Variants in KPNA6 observed in about 807,000 individuals in gnomAD.
The protein encoded by KPNA6 is importin subunit alpha-7.
Under a neutral mutation model 72.0 loss-of-function variants are expected in KPNA6, and 9 were observed. The ratio of observed to expected loss-of-function variants is 0.13; its 90% CI spans 0.08 to 0.22. KPNA6 has a LOEUF of 0.22. KPNA6 is among the 10% of genes least tolerant of loss of function. The pLI is 1.00. For missense variants in KPNA6, 374 were observed against 655.7 expected (o/e 0.57, Z 4.69); for synonymous variants, 219 against 242.1 (o/e 0.90, Z 0.89).
At chr1:32,141,838 G>A (rs930906371) in intron 1 of KPNA6, among the ~76,000 whole-genome samples, 10 of 152,158 alleles carry the variant, frequency 6.6e-5, no homozygotes, top group Middle Eastern at 3.4e-3. Flanking sequence ...GGCAGGAGTC[G>A]GTGCCTTATT....
intron 10 of KPNA6, among the ~76,000 whole-genome samples, chr1:32,164,064 T>G (rs1330901710): frequency 1.3e-5 from 2 of 152,188 alleles, no homozygotes; most frequent in Admixed American, 1.3e-4. Flanking sequence ...CTCCCCATTC[T>G]CCCTTCCCCT....
At chr1:32,125,920 A>G (rs1641523421) in intron 1 of KPNA6, among the ~76,000 whole-genome samples, 1 of 151,604 alleles carries the variant, frequency 6.6e-6, no homozygotes, top group South Asian at 2.1e-4. Flanking sequence ...TAAAGACTAT[A>G]AATAATCTCA....
In KPNA6 at chr1:32,171,861, GTCCT is replaced by G. The variant is rs1266109829; in HGVS notation, c.*973_*976del. ...CCTAAGCTTGAGATAGGGGGCTGTG[GTCCT>G]TCCTTTCTCCTGAGGAGAAAGTCCT... On this transcript the variant is annotated 3_prime_UTR_variant, in exon 14 of 14. Transcript: ENST00000373625. 1 of 152,164 alleles carries G rather than the reference GTCCT, an allele frequency of 6.6e-6. No homozygotes were observed. The highest frequency in any genetic ancestry group is 2.4e-5 in the African/African-American group (1 of 41,440). 9.4% of individuals were successfully genotyped at this position (152,164 alleles called of 1,614,324 possible).
chr1:32,108,080 TGAAGCTGCCGCC>T lies in KPNA6; in HGVS notation c.-49_-38del, dbSNP rs761985152. ...CATATTGTCTACTGAAAGCTGCCGC[TGAAGCTGCCGCC>T]GTTGCCTCCGCCGCCAAGAGTGAGC... is the stretch of plus-strand genomic sequence containing the variant. On this transcript the variant is annotated 5_prime_UTR_variant, in exon 1 of 14. Transcript: ENST00000373625. The T allele has an allele frequency of 6.2e-6, 10 of 1,613,622 alleles. No homozygotes were observed. The highest frequency in any genetic ancestry group is 1.3e-5 in the African/African-American group (1 of 74,938).
intron 1 of KPNA6, among the ~76,000 whole-genome samples, chr1:32,144,837 A>G (rs1641902585): frequency 6.6e-6 from 1 of 151,400 alleles, no homozygotes; most frequent in Non-Finnish European, 1.5e-5. Flanking sequence ...TTTAGTAGAG[A>G]TGGGATTTCT....
In KPNA6 at chr1:32,174,207, T is replaced by G. The variant is rs1234662946; in HGVS notation, c.*3313T>G. 6.6e-6 allele frequency: 1 copy of G among 152,244 alleles called. No individual in the cohort carries two copies. Among genetic ancestry groups the G allele is most frequent in the Non-Finnish European group, 1.5e-5 (1 of 68,120 alleles). The allele number at this position is 152,244 out of a possible 1,614,324, so 9.4% of individuals were successfully genotyped here. On this transcript the variant is annotated 3_prime_UTR_variant, in exon 14 of 14. Coordinates refer to ENST00000373625, the MANE Select transcript of KPNA6 (RefSeq NM_012316.5). Reference sequence around the variant, plus strand: ...TGTTGGCCTCAGTTTTCAGGGACCCTTGGTGTTGCTCCTTACCTAGAGCCC... The same window carrying G: ...TGTTGGCCTCAGTTTTCAGGGACCCGTGGTGTTGCTCCTTACCTAGAGCCC...
intron 1 of KPNA6, among the ~76,000 whole-genome samples, chr1:32,145,032 A>G (rs897144974): frequency 1.3e-5 from 2 of 150,300 alleles, no homozygotes; most frequent in African/African-American, 4.9e-5. Flanking sequence ...GGCTCACTGC[A>G]AACTCCGCCT....
intron 1 of KPNA6, among the ~76,000 whole-genome samples, chr1:32,116,301 C>T (rs1293327754): frequency 6.6e-6 from 1 of 150,596 alleles, no homozygotes; most frequent in East Asian, 1.9e-4. Flanking sequence ...CTGAGTAGCG[C>T]CCGGCCGGTT....
Position 32,172,826 on chromosome 1 carries a change from G to T in KPNA6, c.*1932G>T. On this transcript the variant is annotated 3_prime_UTR_variant, in exon 14 of 14. Transcript: ENST00000373625. ...CTGCTTTTCCTTCCTCTGAAACAAT[G>T]CCATTCTTGCTTCTATTGCTACACA... 44 of 288,640 alleles carry T rather than the reference G, an allele frequency of 1.5e-4. No homozygotes were observed. Among genetic ancestry groups the T allele is most frequent in the Non-Finnish European group, 2.0e-4 (31 of 157,018 alleles). The allele number at this position is 288,640 out of a possible 1,614,324, so 17.9% of individuals were successfully genotyped here.
At chr1:32,138,526 A>G (rs1641781304) in intron 1 of KPNA6, among the ~76,000 whole-genome samples, 1 of 148,808 alleles carries the variant, frequency 6.7e-6, no homozygotes, top group East Asian at 2.0e-4. Context: ...CTGGGCAACA[A>G]GAGCGAAACT....
At chr1:32,121,644 T>C (rs1015742905) in intron 1 of KPNA6, among the ~76,000 whole-genome samples, 1 of 152,038 alleles carries the variant, frequency 6.6e-6, no homozygotes, top group Non-Finnish European at 1.5e-5. Flanking sequence ...CAGTCAGAAT[T>C]AAAAGAAAAC....
At chr1:32,132,121 C>T (rs1222760341) in intron 1 of KPNA6, among the ~76,000 whole-genome samples, 1 of 151,842 alleles carries the variant, frequency 6.6e-6, no homozygotes, top group Non-Finnish European at 1.5e-5. Flanking sequence ...CAGGTATGCA[C>T]CACCATACCC....
intron 6 of KPNA6, among the ~76,000 whole-genome samples, chr1:32,159,985 T>C (rs1642207833): frequency 6.6e-6 from 1 of 152,188 alleles, no homozygotes; most frequent in African/African-American, 2.4e-5. Context: ...TTTTATAGAC[T>C]TGGTCCAAGG....
At chr1:32,111,067 C>T (rs779168594) in intron 1 of KPNA6, among the ~76,000 whole-genome samples, 1 of 152,128 alleles carries the variant, frequency 6.6e-6, no homozygotes, top group African/African-American at 2.4e-5. Context: ...GCTGGAGCTT[C>T]ATCTTTCAGT....
intron 11 of KPNA6, 75 bp downstream of exon 11, chr1:32,166,305 G>A: frequency 6.6e-7 from 1 of 1,512,874 alleles, no homozygotes; most frequent in Non-Finnish European, 8.9e-7. Flanking sequence ...TTTGCTTTCA[G>A]AAGAAAGAAT....
chr1:32,158,891 T>C (rs764717405), intron 5 of KPNA6, among the ~76,000 whole-genome samples: 8 of 152,240 alleles, frequency 5.3e-5, no homozygotes, highest in Non-Finnish European at 1.5e-5. Context: ...CATTCAGTTA[T>C]AAATCAGAGG....
chr1:32,155,193 G>T (rs1642115212), intron 2 of KPNA6, among the ~76,000 whole-genome samples: 1 of 150,004 alleles, frequency 6.7e-6, no homozygotes, highest in South Asian at 2.1e-4. Context: ...GTAAATAAAT[G>T]TTGGGAGCTT....
chr1:32,133,837 C>T (rs559862302), intron 1 of KPNA6, among the ~76,000 whole-genome samples: 4 of 151,704 alleles, frequency 2.6e-5, no homozygotes, highest in African/African-American at 4.8e-5. Context: ...GTCAGGAGTT[C>T]GAGACCAGCC....
In KPNA6 at chr1:32,176,354, A is replaced by G. The variant is rs1642527097; in HGVS notation, c.*5460A>G. 6.6e-6 allele frequency: 1 copy of G among 151,884 alleles called. No homozygotes were observed. Among genetic ancestry groups the G allele is most frequent in the Non-Finnish European group, 1.5e-5 (1 of 67,986 alleles). The allele number at this position is 151,884 out of a possible 1,614,324, so 9.4% of individuals were successfully genotyped here. ...GCTTTTATTTTTCTAATAACAATAA[A>G]CTCTATTTTCCATGTTCTCAGGGCC... On this transcript the variant is annotated 3_prime_UTR_variant, in exon 14 of 14. Transcript: ENST00000373625.
Sources: gnomAD v4.1 joint callset for allele counts (sites outside exome capture counted in the v4.1 genomes callset) on GRCh38, gnomAD v4.1.1 for gene constraint, MANE v1.5 for transcripts, NCBI Gene and HGNC (gene_info 2026-07-23, HGNC 2026-07-21) for gene names.